Variants in RPS6KC1 observed in about 807,000 individuals in gnomAD.
RPS6KC1 encodes ribosomal protein S6 kinase C1, also known as inactive ribosomal protein S6 kinase delta-1.
RPS6KC1 carries 54 observed loss-of-function variants against 103.8 expected under a neutral mutation model. That is an observed-to-expected ratio of 0.52 (90% CI 0.42 to 0.65). The LOEUF is 0.65. Ranked by LOEUF, RPS6KC1 falls within the 30% of genes least tolerant of loss-of-function variation. The pLI, the probability that RPS6KC1 is intolerant of heterozygous loss-of-function variation, is 0.00. For missense variants in RPS6KC1, 1,151 were observed against 1,253.8 expected (o/e 0.92, Z 1.24); for synonymous variants, 439 against 438.7 (o/e 1.00, Z -0.01).
chr1:213,377,949 T>G, the RPS6KC1 span, among the ~76,000 whole-genome samples: 2 of 152,202 alleles, frequency 1.3e-5, no homozygotes, highest in Non-Finnish European at 2.9e-5. Flanking sequence ...ATTTATACTT[T>G]GACACGATAT....
chr1:213,173,837 G>A (rs947942922), intron 7 of RPS6KC1, among the ~76,000 whole-genome samples: 1 of 152,202 alleles, frequency 6.6e-6, no homozygotes, highest in African/African-American at 2.4e-5. Context: ...TGGGTGCACA[G>A]TAATTATTTG....
chr1:213,625,250 A>G, the RPS6KC1 span, among the ~76,000 whole-genome samples: 2 of 152,348 alleles, frequency 1.3e-5, no homozygotes, highest in East Asian at 3.9e-4. Context: ...GATGCTTCCT[A>G]TTCCACCTAT....
intron 6 of RPS6KC1, among the ~76,000 whole-genome samples, chr1:213,160,697 G>A (rs1019486255): frequency 6.6e-6 from 1 of 151,726 alleles, no homozygotes; most frequent in African/African-American, 2.4e-5. Context: ...CATGTCCTTT[G>A]TAGGGACATG....
the RPS6KC1 span, among the ~76,000 whole-genome samples, chr1:213,771,982 T>TCCACGTACGCTAATAC: frequency 8.5e-5 from 13 of 152,178 alleles, no homozygotes; most frequent in Non-Finnish European, 1.6e-4. Flanking sequence ...CATTACCAGC[T>TCCACGTACGCTAATAC]CCACGTACGC....
chr1:213,283,140 G>A, the RPS6KC1 span, among the ~76,000 whole-genome samples: 5 of 152,104 alleles, frequency 3.3e-5, no homozygotes, highest in Admixed American at 6.6e-5. Flanking sequence ...TACTCGCTCC[G>A]TACATCTCCC....
chr1:213,378,842 C>T, the RPS6KC1 span, among the ~76,000 whole-genome samples: 1 of 152,196 alleles, frequency 6.6e-6, no homozygotes, highest in African/African-American at 2.4e-5. Context: ...GCACACCTCA[C>T]AGGTCACCTG....
chr1:213,654,447 C>T, the RPS6KC1 span, among the ~76,000 whole-genome samples: 13 of 152,300 alleles, frequency 8.5e-5, no homozygotes, highest in East Asian at 2.5e-3. Flanking sequence ...TGAATCTCCA[C>T]CTTTCACTAA....
Position 213,117,359 on chromosome 1 carries a change from G to A in RPS6KC1, c.421G>A (p.Glu141Lys). The A allele has an allele frequency of 6.2e-7, 1 of 1,611,206 alleles. No individual in the cohort carries two copies. ...TAGTTCTGAATTAATTGGTCCTGCT[G>A]AAGCTCACTCAGATTCCCTCATTGA... is the stretch of plus-strand genomic sequence containing the variant. Reference protein sequence around the residue: ...NDSSELIGPAEAHSDSLIDTF... With the variant: ...NDSSELIGPAKAHSDSLIDTF... The change falls in exon 5 of 15, where the codon GAA (glutamate) becomes AAA (lysine). Residue 141 changes from glutamate (E) to lysine (K), a missense_variant. Coordinates refer to ENST00000366960, the MANE Select transcript of RPS6KC1 (RefSeq NM_012424.6).
chr1:213,530,292 G>A, the RPS6KC1 span, among the ~76,000 whole-genome samples: 1 of 152,142 alleles, frequency 6.6e-6, no homozygotes, highest in African/African-American at 2.4e-5. Context: ...TTTTGCTGCT[G>A]CTTCTTTTCT....
chr1:213,412,729 C>G, the RPS6KC1 span, among the ~76,000 whole-genome samples: 1 of 152,194 alleles, frequency 6.6e-6, no homozygotes, highest in Non-Finnish European at 1.5e-5. Context: ...CCTGACTATA[C>G]CCAGGGATGC....
At chr1:213,303,297 GC>G in the RPS6KC1 span, among the ~76,000 whole-genome samples, 1 of 152,206 alleles carries the variant, frequency 6.6e-6, no homozygotes, top group Non-Finnish European at 1.5e-5. Context: ...TTACTTGGAA[GC>G]CTCGGTTGTG....
At chr1:213,478,966 T>G in the RPS6KC1 span, among the ~76,000 whole-genome samples, 3 of 152,048 alleles carry the variant, frequency 2.0e-5, no homozygotes, top group Admixed American at 6.5e-5. Context: ...TTTTATATTT[T>G]GTAATCACTA....
chr1:213,227,781 A>T (rs1207745408), intron 8 of RPS6KC1, among the ~76,000 whole-genome samples: 1 of 152,334 alleles, frequency 6.6e-6, no homozygotes, highest in Middle Eastern at 3.4e-3. Context: ...CATGCTTTGA[A>T]TATGATTTCC....
chr1:213,251,104 T>TC, intron 12 of RPS6KC1, among the ~76,000 whole-genome samples: 1 of 140,730 alleles, frequency 7.1e-6, no homozygotes, highest in East Asian at 2.0e-4. Flanking sequence ...TTTTTCAGCT[T>TC]TTTTTTTTTT....
the RPS6KC1 span, among the ~76,000 whole-genome samples, chr1:213,630,934 G>T: frequency 4.6e-5 from 7 of 152,204 alleles, no homozygotes; most frequent in Admixed American, 3.9e-4. Flanking sequence ...TGTTCCTCTG[G>T]AAGTTTTGTC....
At chr1:213,444,240 A>G in the RPS6KC1 span, among the ~76,000 whole-genome samples, 1 of 152,140 alleles carries the variant, frequency 6.6e-6, no homozygotes, top group Non-Finnish European at 1.5e-5. Context: ...AGTGGATTAG[A>G]ACCACCCTGA....
At chr1:213,056,035 G>A (rs927508153) in intron 1 of RPS6KC1, among the ~76,000 whole-genome samples, 1 of 152,158 alleles carries the variant, frequency 6.6e-6, no homozygotes, top group African/African-American at 2.4e-5. Flanking sequence ...TATTGCCTGG[G>A]ATTGTGGGCA....
the RPS6KC1 span, among the ~76,000 whole-genome samples, chr1:213,497,450 A>G: frequency 1.3e-5 from 2 of 152,262 alleles, no homozygotes; most frequent in Admixed American, 1.3e-4. Flanking sequence ...CAAAATTAAG[A>G]AAATAACAAC....
the RPS6KC1 span, among the ~76,000 whole-genome samples, chr1:213,283,875 A>G: frequency 3.3e-5 from 5 of 151,314 alleles, no homozygotes; most frequent in African/African-American, 1.2e-4. Context: ...GTGAAGTTAG[A>G]AATGTTTTTT....
Sources: allele counts gnomAD v4.1 joint callset (sites outside exome capture counted in the v4.1 genomes callset), GRCh38; gene constraint gnomAD v4.1.1; transcripts MANE v1.5; gene names NCBI Gene and HGNC (gene_info 2026-07-23, HGNC 2026-07-21).